The following DLGAP2 variants were observed in gnomAD, a reference collection of about 807,000 sequenced individuals.
DLGAP2 encodes the protein DLG associated protein 2.
Under a neutral mutation model 100.3 loss-of-function variants are expected in DLGAP2, and 26 were observed. That is an observed-to-expected ratio of 0.26 (90% confidence interval 0.19 to 0.36). DLGAP2 has a LOEUF of 0.36. Among genes scored for constraint, DLGAP2 ranks in the 10% least tolerant of loss-of-function variants. The probability of loss-of-function intolerance (pLI) is 1.00; values close to 1 mark genes in which losing one functional copy is unlikely to be tolerated. For missense variants in DLGAP2, 1,858 were observed against 1,453.2 expected, an observed-to-expected ratio of 1.28 and a Z score of -4.53; for synonymous variants, 886 against 630.1, an observed-to-expected ratio of 1.41 and a Z score of -6.08.
intron 3 of DLGAP2, chr8:1,379,849 T>G (rs1359501509): frequency 1.2e-5 from 1 of 84,656 alleles, no homozygotes; most frequent in East Asian, 2.2e-4. Context: ...TTCCCTCCCC[T>G]CCTGCTCGGT....
intron 6 of DLGAP2, among the ~76,000 whole-genome samples, chr8:1,570,769 CG>C (rs759809995): frequency 4.6e-5 from 4 of 86,496 alleles, no homozygotes; most frequent in African/African-American, 1.4e-4. Context: ...GGGTGAACTG[CG>C]GGGGTGTCTG....
chr8:1,614,796 C>T (rs983468211), intron 6 of DLGAP2, among the ~76,000 whole-genome samples: 8 of 152,240 alleles, frequency 5.3e-5, no homozygotes, highest in Non-Finnish European at 7.3e-5. Context: ...AACACTCATA[C>T]AGATGACAGC....
intron 2 of DLGAP2, among the ~76,000 whole-genome samples, chr8:1,184,035 T>C (rs951057979): frequency 6.6e-6 from 1 of 152,218 alleles, no homozygotes; most frequent in African/African-American, 2.4e-5. Context: ...TATATGATGG[T>C]CATAGAACTC....
intron 1 of DLGAP2, among the ~76,000 whole-genome samples, chr8:904,595 C>T (rs560840289): frequency 2.0e-5 from 3 of 152,336 alleles, no homozygotes; most frequent in East Asian, 3.9e-4. Context: ...TCTCCACGTT[C>T]TGTGATTCTG....
chr8:887,317 C>T lies in DLGAP2; in HGVS notation c.19-20595C>T, dbSNP rs185457369. Among the ~76,000 whole-genome samples, 26 of 152,218 alleles carry T rather than the reference C, an allele frequency of 1.7e-4. No homozygotes were observed. The East Asian group carries it at 4.6e-3, about 27-fold the overall frequency. ...TACAGCACACTGATGGGTCTTGACT[C>T]CTTATCCAATTTGCCAGTCTGTGTC... is the stretch of plus-strand genomic sequence containing the variant. On this transcript the variant is annotated intron_variant, in intron 1 of 14. Transcript: ENST00000637795.
intron 4 of DLGAP2, among the ~76,000 whole-genome samples, chr8:1,535,564 A>G (rs1270348028): frequency 3.9e-5 from 6 of 152,186 alleles, no homozygotes; most frequent in African/African-American, 1.4e-4. Flanking sequence ...GTTGTTGTGA[A>G]CTCTTGCATT....
intron 2 of DLGAP2, among the ~76,000 whole-genome samples, chr8:917,783 G>C (rs770586578): frequency 6.6e-6 from 1 of 152,014 alleles, no homozygotes; most frequent in Non-Finnish European, 1.5e-5. Flanking sequence ...GTTTCACCGT[G>C]TTGGCCAGGA....
intron 1 of DLGAP2, among the ~76,000 whole-genome samples, chr8:879,071 C>G (rs1389834013): frequency 6.6e-6 from 1 of 152,184 alleles, no homozygotes; most frequent in East Asian, 1.9e-4. Flanking sequence ...GTGAAAGCAA[C>G]TTGATTACAT....
chr8:1,338,176 C>G (rs1051650630), intron 3 of DLGAP2, among the ~76,000 whole-genome samples: 13 of 152,184 alleles, frequency 8.5e-5, no homozygotes, highest in Admixed American at 3.3e-4. Context: ...TGTGTGTATT[C>G]CTAAGCATTC....
At chr8:1,139,649 A>G (rs1796486303) in intron 2 of DLGAP2, among the ~76,000 whole-genome samples, 1 of 152,164 alleles carries the variant, frequency 6.6e-6, no homozygotes, top group African/African-American at 2.4e-5. Context: ...AATTAACATG[A>G]AGCCCAGGGA....
chr8:1,129,060 A>G (rs1585087284), intron 2 of DLGAP2, among the ~76,000 whole-genome samples: 1 of 152,198 alleles, frequency 6.6e-6, no homozygotes, highest in Non-Finnish European at 1.5e-5. Context: ...ATTCCACTTC[A>G]TGGTCCTCTG....
At chr8:1,227,520 G>T (rs1221905898) in intron 2 of DLGAP2, among the ~76,000 whole-genome samples, 1 of 150,270 alleles carries the variant, frequency 6.7e-6, no homozygotes, top group African/African-American at 2.5e-5. Flanking sequence ...TTTTGATGGA[G>T]TTCTGCTCTG....
intron 2 of DLGAP2, among the ~76,000 whole-genome samples, chr8:1,013,492 A>C (rs1276029578): frequency 6.6e-6 from 1 of 152,148 alleles, no homozygotes; most frequent in African/African-American, 2.4e-5. Context: ...CAGGACGGGC[A>C]GCATCACAGG....
intron 3 of DLGAP2, among the ~76,000 whole-genome samples, chr8:1,327,731 C>A (rs920168938): frequency 6.6e-6 from 1 of 152,092 alleles, no homozygotes; most frequent in Non-Finnish European, 1.5e-5. Context: ...GTAGTCCCAG[C>A]TACTCAGGTG....
intron 2 of DLGAP2, among the ~76,000 whole-genome samples, chr8:965,351 G>T (rs1481562366): frequency 1.2e-5 from 1 of 85,594 alleles, no homozygotes; most frequent in African/African-American, 5.1e-5. Context: ...ACCACACAGG[G>T]CTCCTGAGTC....
chr8:1,127,772 G>C (rs1195465527), intron 2 of DLGAP2, among the ~76,000 whole-genome samples: 3 of 152,210 alleles, frequency 2.0e-5, no homozygotes, highest in Admixed American at 6.5e-5. Context: ...AACTACGCCC[G>C]TTCTGTTGTA....
intron 6 of DLGAP2, among the ~76,000 whole-genome samples, chr8:1,578,698 A>T (rs561180525): frequency 1.3e-5 from 2 of 152,324 alleles, no homozygotes; most frequent in African/African-American, 2.4e-5. Context: ...CTAATTATAT[A>T]TATAAGCGTT....
intron 3 of DLGAP2, among the ~76,000 whole-genome samples, chr8:1,335,585 G>A (rs976648615): frequency 3.3e-5 from 5 of 152,278 alleles, no homozygotes; most frequent in Admixed American, 3.3e-4. Context: ...GGCAGGGTGC[G>A]GTGCTGGGTG....
At chr8:1,644,613 C>G (rs1797995663) in intron 8 of DLGAP2, among the ~76,000 whole-genome samples, 1 of 152,324 alleles carries the variant, frequency 6.6e-6, no homozygotes, top group Non-Finnish European at 1.5e-5. Flanking sequence ...ACTCCCTGAC[C>G]AGGAGCTCCA....
Sources: gnomAD v4.1 joint callset for allele counts (sites outside exome capture counted in the v4.1 genomes callset) on GRCh38, gnomAD v4.1.1 for gene constraint, MANE v1.5 for transcripts, NCBI Gene and HGNC (gene_info 2026-07-23, HGNC 2026-07-21) for gene names.